The following FANCA variants were observed in gnomAD, a reference collection of about 807,000 sequenced individuals.
FANCA encodes Fanconi anemia group A protein.
Under a neutral mutation model 194.3 loss-of-function variants are expected in FANCA, and 236 were observed. That is an observed-to-expected ratio of 1.21 (90% CI 1.09 to 1.35). FANCA has a LOEUF of 1.35. Ranked by LOEUF, FANCA falls within the 40% of genes most tolerant of loss-of-function variation. The pLI, the probability that FANCA is intolerant of heterozygous loss-of-function variation, is 0.00. For missense variants in FANCA, 2,628 were observed against 1,813.9 expected (o/e 1.45, Z -8.15); for synonymous variants, 1,014 against 715.8 (o/e 1.42, Z -6.65).
chr16:89,776,704 G>A (rs907384179), intron 20 of FANCA, among the ~76,000 whole-genome samples: 14 of 151,784 alleles, frequency 9.2e-5, no homozygotes, highest in African/African-American at 2.7e-4. Flanking sequence ...GGTGGCGGGC[G>A]CCTGCAGTCT....
chr16:89,737,915 A>G lies in FANCA; in HGVS notation c.*686T>C. 2 of 1,568,696 alleles carry G rather than the reference A, an allele frequency of 1.3e-6. No individual in the cohort carries two copies. The highest frequency in any genetic ancestry group is 1.7e-6 in the Non-Finnish European group (2 of 1,170,340). On this transcript the variant is annotated 3_prime_UTR_variant, in exon 43 of 43. Coordinates refer to ENST00000389301, the MANE Select transcript of FANCA (RefSeq NM_000135.4). ...GAGCCAAGCCTTTGCAGTAAGTGTGAGTCAGGACCCCCTCCCAGGGCTGTG... is the reference window on the plus strand; with the variant it reads ...GAGCCAAGCCTTTGCAGTAAGTGTGGGTCAGGACCCCCTCCCAGGGCTGTG...
At chr16:89,793,467 G>A (rs1356334895) in intron 11 of FANCA, among the ~76,000 whole-genome samples, 1 of 152,166 alleles carries the variant, frequency 6.6e-6, no homozygotes, top group East Asian at 1.9e-4. Flanking sequence ...ACCAACTAAT[G>A]ATTAATGATA....
chr16:89,740,886 CTT>C lies in FANCA; in HGVS notation c.3766-22_3766-21del, dbSNP rs1163738344. The C allele has an allele frequency of 1.3e-6, 2 of 1,595,566 alleles. No homozygotes were observed. The highest frequency in any genetic ancestry group is 1.7e-6 in the Non-Finnish European group (2 of 1,166,680). On this transcript the variant is annotated intron_variant, in intron 37 of 42. Coordinates refer to ENST00000389301, the MANE Select transcript of FANCA (RefSeq NM_000135.4). ...CAATAGCTGTAAATAAAAACGTGCA[CTT>C]ATTATTACATTAAAATTACCTGTGC...
At chr16:89,789,315 A>AGCAGGCACCGCAGCCACGATGGCGAT (rs1312431194) in intron 14 of FANCA, among the ~76,000 whole-genome samples, 1 of 148,532 alleles carries the variant, frequency 6.7e-6, no homozygotes, top group African/African-American at 2.6e-5. Context: ...CTGGGGGGGG[A>AGCAGGCACCGCAGCCACGATGGCGAT]GCAGGCACCG....
At chr16:89,746,112 G>A (rs2143100645) in intron 35 of FANCA, among the ~76,000 whole-genome samples, 1 of 152,290 alleles carries the variant, frequency 6.6e-6, no homozygotes, top group South Asian at 2.1e-4. Context: ...GGGACCCTGG[G>A]CTGCTAGGGG....
At chr16:89,759,956 T>G (rs955514930) in intron 29 of FANCA, among the ~76,000 whole-genome samples, 6 of 151,352 alleles carry the variant, frequency 4.0e-5, no homozygotes, top group African/African-American at 1.5e-4. Flanking sequence ...ACCCACGCTG[T>G]GCGGGACCGG....
chr16:89,793,292 AGCCCTCTGGTG>A (rs1360936764), intron 11 of FANCA, among the ~76,000 whole-genome samples: 1 of 152,230 alleles, frequency 6.6e-6, no homozygotes, highest in East Asian at 1.9e-4. Flanking sequence ...TAGACCAAGG[AGCCCTCTGGTG>A]GCCCTGTCCG....
chr16:89,743,695 C>T (rs1269245985), intron 36 of FANCA, among the ~76,000 whole-genome samples: 8 of 151,954 alleles, frequency 5.3e-5, no homozygotes, highest in African/African-American at 1.7e-4. Flanking sequence ...TGGTGGCTCA[C>T]GCCTGTAATC....
chr16:89,760,731 GCCC>G (rs1305965045), intron 29 of FANCA, among the ~76,000 whole-genome samples: 1 of 152,072 alleles, frequency 6.6e-6, no homozygotes, highest in African/African-American at 2.4e-5. Context: ...ACTTCTTGGT[GCCC>G]CCAAGTCAAG....
chr16:89,762,367 G>T lies in FANCA; in HGVS notation c.2779-345C>A, dbSNP rs533981179. Reference sequence around the variant, plus strand: ...CCAGCACTTTGGGAGGCTGAGGCCAGCAGATTGCTTGAGCCTAGGAGTTTG... The same window carrying T: ...CCAGCACTTTGGGAGGCTGAGGCCATCAGATTGCTTGAGCCTAGGAGTTTG... On this transcript the variant is annotated intron_variant, in intron 28 of 42. Coordinates refer to ENST00000389301, the MANE Select transcript of FANCA (RefSeq NM_000135.4). 2.6e-5 allele frequency among the ~76,000 whole-genome samples: 4 copies of T among 152,176 alleles called. No individual in the cohort carries two copies. The South Asian group carries it at 8.3e-4, about 32-fold the overall frequency.
chr16:89,766,733 CT>C (rs2039141652), intron 27 of FANCA, among the ~76,000 whole-genome samples: 1 of 151,936 alleles, frequency 6.6e-6, no homozygotes, highest in South Asian at 2.1e-4. Context: ...AAAAAAATTC[CT>C]TTGTCTGAAC....
Position 89,762,014 on chromosome 16 carries a change from G to C in FANCA, c.2787C>G (p.Tyr929Ter), listed in dbSNP as rs767767665. ...CCAGCTCCAGGTGTAACCAGTCTTGGTAAGTTAACTGAGAAAGAGAGCAAG... is the reference window on the plus strand; with the variant it reads ...CCAGCTCCAGGTGTAACCAGTCTTGCTAAGTTAACTGAGAAAGAGAGCAAG... ...VLKEEDVHLT[Y>*]QDWLHLELEI... Residue 929 changes from tyrosine to a stop codon, truncating the protein, a stop_gained, in exon 29 of 43, where the codon TAC becomes TAG. Coordinates refer to ENST00000389301, the MANE Select transcript of FANCA (RefSeq NM_000135.4). LOFTEE classifies it high-confidence loss of function. The C allele has an allele frequency of 1.2e-6, 2 of 1,613,460 alleles. No homozygotes were observed. The highest frequency in any genetic ancestry group is 1.7e-6 in the Non-Finnish European group (2 of 1,179,428).
rs1436034157 is a variant in FANCA, at chr16:89,737,616, G to A, written c.*985C>T. The A allele has an allele frequency of 8.1e-6, 9 of 1,108,502 alleles. No homozygotes were observed. Among genetic ancestry groups the A allele is most frequent in the South Asian group, 1.7e-5 (1 of 58,816 alleles). The allele number at this position is 1,108,502 out of a possible 1,614,324, so 68.7% of individuals were successfully genotyped here. ...AAATGCACACAGCTGATGAAGCCAC[G>A]TGACAGTGTATAAAGCAGTTTAAAG... On this transcript the variant is annotated 3_prime_UTR_variant, in exon 43 of 43. Coordinates refer to ENST00000389301, the MANE Select transcript of FANCA (RefSeq NM_000135.4).
At chr16:89,814,303 C>T (rs773798361) in intron 3 of FANCA, among the ~76,000 whole-genome samples, 2 of 152,180 alleles carry the variant, frequency 1.3e-5, no homozygotes, top group Non-Finnish European at 2.9e-5. Flanking sequence ...CCTACTGCTT[C>T]TGAGTCGCAG....
intron 3 of FANCA, 138 bp from the exon 4 acceptor site, chr16:89,811,209 A>C (rs1308122512): frequency 9.8e-7 from 1 of 1,025,634 alleles, no homozygotes; most frequent in Non-Finnish European, 1.5e-6. Flanking sequence ...AATAGATGCA[A>C]AGGGAAAAAC....
intron 12 of FANCA, among the ~76,000 whole-genome samples, 145 bp downstream of exon 12, chr16:89,792,318 TGAGTGGTG>T (rs574036341): frequency 6.4e-4 from 97 of 152,288 alleles, no homozygotes; most frequent in African/African-American, 2.0e-3. Flanking sequence ...TCTCCTGACC[TGAGTGGTG>T]GCCTTGATGA....
At chr16:89,805,176 G>T (rs1302571510) in intron 7 of FANCA, 104 bp downstream of exon 7, 12 of 877,528 alleles carry the variant, frequency 1.4e-5, no homozygotes, top group South Asian at 1.1e-4. Flanking sequence ...CCACGGCCAC[G>T]GAGAGACAGG....
intron 20 of FANCA, 52 bp downstream of exon 20, chr16:89,778,749 T>C (rs929160282): frequency 8.4e-6 from 13 of 1,538,972 alleles, no homozygotes; most frequent in African/African-American, 5.5e-5. Context: ...ATTCTTCGCA[T>C]TGTCAGAAGA....
intron 3 of FANCA, 21 bp from the exon 4 acceptor site, chr16:89,811,092 A>G: frequency 6.2e-7 from 1 of 1,613,784 alleles, no homozygotes; most frequent in Non-Finnish European, 8.5e-7. Flanking sequence ...AAACAAAACC[A>G]TAGCTTTCTC....
Sources: allele counts gnomAD v4.1 joint callset (sites outside exome capture counted in the v4.1 genomes callset), GRCh38; gene constraint gnomAD v4.1.1; transcripts MANE v1.5; gene names NCBI Gene and HGNC (gene_info 2026-07-23, HGNC 2026-07-21).